The following ARSB variants were observed in gnomAD, a reference collection of about 807,000 sequenced individuals.
ARSB encodes the protein N-acetylgalactosamine-4-sulfatase.
Under a neutral mutation model 50.9 loss-of-function variants are expected in ARSB, and 41 were observed. The ratio of observed to expected loss-of-function variants is 0.81; its 90% confidence interval spans 0.63 to 1.04. The LOEUF (loss-of-function observed/expected upper bound fraction) is 1.04. ARSB is among the 50% of genes least tolerant of loss of function. The probability of loss-of-function intolerance (pLI) is 0.00; values close to 1 mark genes in which losing one functional copy is unlikely to be tolerated. For missense variants in ARSB, 672 were observed against 693.3 expected (o/e 0.97, Z 0.35); for synonymous variants, 269 against 284.8 (o/e 0.94, Z 0.56).
At chr5:78,840,130 C>T (rs1172997398) in intron 5 of ARSB, among the ~76,000 whole-genome samples, 4 of 152,164 alleles carry the variant, frequency 2.6e-5, no homozygotes, top group Non-Finnish European at 5.9e-5. Flanking sequence ...AAATTGGGAG[C>T]ATAAACATCA....
At chr5:78,922,910 C>T (rs886667476) in intron 4 of ARSB, among the ~76,000 whole-genome samples, 13 of 152,204 alleles carry the variant, frequency 8.5e-5, no homozygotes, top group Admixed American at 3.3e-4. Flanking sequence ...GCATGAACCA[C>T]CGCACCTGGA....
At position 78,900,928 on chromosome 5, in the gene ARSB, A is replaced by G. The variant is rs371704779; in HGVS notation, c.899-15101T>C. Among the ~76,000 whole-genome samples, 18 of 151,748 alleles carry G rather than the reference A, an allele frequency of 1.2e-4. No individual in the cohort carries two copies. The East Asian group carries it at 1.6e-3, about 13-fold the overall frequency. On this transcript the variant is annotated intron_variant, in intron 4 of 7. Transcript: ENST00000264914. ...GTAGCGGGCGCCTGTAGTGCCAGCT[A>G]CTTGGGAGGCTGAGGCAGGAGAATG...
rs180683438 is a variant in ARSB, at chr5:78,801,931, G to A, written c.1214-19957C>T. ...TGAGAAATAAATGTCTATACTGTTC[G>A]AATGTCAGTTTTGGTTTGTTCCAGC... On this transcript the variant is annotated intron_variant, in intron 6 of 7. Transcript: ENST00000264914. Among the ~76,000 whole-genome samples the A allele has an allele frequency of 2.0e-4, 30 of 152,132 alleles. No individual in the cohort carries two copies. In the East Asian group the frequency reaches 3.7e-3, roughly 19 times the overall value.
intron 6 of ARSB, 146 bp downstream of exon 6, chr5:78,839,210 A>G: frequency 1.3e-6 from 1 of 744,988 alleles, no homozygotes; most frequent in Non-Finnish European, 2.4e-6. Flanking sequence ...GCCCTCTGAG[A>G]TGAGCGGGAG....
chr5:78,943,663 G>A (rs991799754), intron 4 of ARSB, among the ~76,000 whole-genome samples: 6 of 152,164 alleles, frequency 3.9e-5, no homozygotes, highest in Non-Finnish European at 7.3e-5. Context: ...AGTCTGATGG[G>A]CTTCCCTTTG....
intron 5 of ARSB, among the ~76,000 whole-genome samples, chr5:78,869,841 C>G (rs1386578653): frequency 6.8e-6 from 1 of 147,368 alleles, no homozygotes; most frequent in Non-Finnish European, 1.5e-5. Context: ...AATAGAGACA[C>G]AAAAAACCCT....
intron 5 of ARSB, among the ~76,000 whole-genome samples, chr5:78,859,109 T>C (rs867836531): frequency 1.3e-5 from 2 of 152,068 alleles, no homozygotes; most frequent in African/African-American, 2.4e-5. Context: ...TGTGTGTGTA[T>C]GGGGGGCAGG....
intron 4 of ARSB, among the ~76,000 whole-genome samples, chr5:78,906,104 G>C (rs534426568): frequency 1.3e-5 from 2 of 151,598 alleles, no homozygotes; most frequent in Non-Finnish European, 2.9e-5. Flanking sequence ...AAACAGTCTG[G>C]ACACTGTGGC....
intron 4 of ARSB, among the ~76,000 whole-genome samples, chr5:78,910,582 AAAG>A (rs1171716123): frequency 6.6e-6 from 1 of 152,274 alleles, no homozygotes; most frequent in African/African-American, 2.4e-5. Flanking sequence ...TAAAAGCAGA[AAAG>A]AAGATGAAAA....
At chr5:78,852,597 T>C (rs1331449943) in intron 5 of ARSB, among the ~76,000 whole-genome samples, 1 of 152,174 alleles carries the variant, frequency 6.6e-6, no homozygotes. Flanking sequence ...AATCTGAATG[T>C]TGGCCTGCCT....
At chr5:78,935,864 C>CT (rs1400178006) in intron 4 of ARSB, among the ~76,000 whole-genome samples, 2 of 152,032 alleles carry the variant, frequency 1.3e-5, no homozygotes, top group Non-Finnish European at 2.9e-5. Flanking sequence ...CATCTGCCTC[C>CT]TGAGTATTTA....
At chr5:78,831,535 T>C (rs1167895067) in intron 6 of ARSB, among the ~76,000 whole-genome samples, 1 of 152,210 alleles carries the variant, frequency 6.6e-6, no homozygotes, top group Non-Finnish European at 1.5e-5. Flanking sequence ...ATAGGTGAGA[T>C]GATCGTAACT....
At chr5:78,863,106 A>C (rs1395263373) in intron 5 of ARSB, among the ~76,000 whole-genome samples, 3 of 152,350 alleles carry the variant, frequency 2.0e-5, no homozygotes, top group Admixed American at 2.0e-4. Context: ...GTCAGGAAAC[A>C]ACAGGTGCTG....
At chr5:78,826,911 T>G (rs1326420129) in intron 6 of ARSB, among the ~76,000 whole-genome samples, 1 of 152,156 alleles carries the variant, frequency 6.6e-6, no homozygotes, top group Non-Finnish European at 1.5e-5. Flanking sequence ...TTGGCTGCCA[T>G]GGGTCAGGAG....
intron 4 of ARSB, among the ~76,000 whole-genome samples, chr5:78,912,499 C>T (rs1306534365): frequency 3.9e-5 from 6 of 152,130 alleles, no homozygotes; most frequent in Non-Finnish European, 7.4e-5. Flanking sequence ...TTTTGGCTAG[C>T]AGGAAAAGGG....
chr5:78,956,573 T>C (rs983152705), intron 3 of ARSB, among the ~76,000 whole-genome samples: 1 of 152,060 alleles, frequency 6.6e-6, no homozygotes, highest in East Asian at 1.9e-4. Context: ...AGACAAAAAA[T>C]TGAAAATAAA....
In ARSB at chr5:78,982,090, A is replaced by G. The variant is rs1319596557; in HGVS notation, c.312+2847T>C. 4.7e-5 allele frequency among the ~76,000 whole-genome samples: 4 copies of G among 85,558 alleles called. 2 individuals carry two copies. In the East Asian group the frequency reaches 1.1e-3, roughly 23 times the overall value. 56.1% of individuals were successfully genotyped at this position (85,558 alleles called of 152,430 possible). A position where few individuals can be genotyped will look rare whatever the true frequency, so the allele number is the denominator to read the frequency against. ...AGGCGCCCGCCACCGCGCCCAGCTAATTTTTTGTATTTTTAGTAGAGACGG... is the reference window on the plus strand; with the variant it reads ...AGGCGCCCGCCACCGCGCCCAGCTAGTTTTTTGTATTTTTAGTAGAGACGG... On this transcript the variant is annotated intron_variant, in intron 1 of 7. Transcript: ENST00000264914.
intron 6 of ARSB, among the ~76,000 whole-genome samples, chr5:78,796,262 T>G (rs1434043805): frequency 6.6e-6 from 1 of 152,272 alleles, no homozygotes; most frequent in African/African-American, 2.4e-5. Flanking sequence ...CTATATGTGT[T>G]AGACACTAAA....
intron 4 of ARSB, among the ~76,000 whole-genome samples, chr5:78,886,735 C>A (rs1748054012): frequency 1.3e-5 from 2 of 151,812 alleles, no homozygotes; most frequent in South Asian, 4.2e-4. Flanking sequence ...TTTAGAGACA[C>A]ATTTTAAATA....
Sources: gnomAD v4.1 joint callset for allele counts (sites outside exome capture counted in the v4.1 genomes callset) on GRCh38, gnomAD v4.1.1 for gene constraint, MANE v1.5 for transcripts, NCBI Gene and HGNC (gene_info 2026-07-23, HGNC 2026-07-21) for gene names.